Variants in LSAMP observed in about 807,000 individuals in gnomAD.
LSAMP encodes limbic system-associated membrane protein.
LSAMP carries 7 observed loss-of-function variants against 38.6 expected under a neutral mutation model. The observed-to-expected ratio is 0.18, with a 90% CI of 0.10 to 0.34. LSAMP has a LOEUF of 0.34. Ranked by LOEUF, LSAMP falls within the 10% of genes least tolerant of loss-of-function variation. The pLI, the probability that LSAMP is intolerant of heterozygous loss-of-function variation, is 1.00. For missense variants in LSAMP, 313 were observed against 420.0 expected (o/e 0.75, Z 2.23); for synonymous variants, 154 against 166.8 (o/e 0.92, Z 0.59).
intron 1 of LSAMP, among the ~76,000 whole-genome samples, chr3:116,123,717 T>A (rs1380436691): frequency 1.3e-5 from 2 of 152,216 alleles, no homozygotes; most frequent in Non-Finnish European, 2.9e-5. Context: ...ACTATCTGCT[T>A]TAAGACTTTA....
chr3:116,415,934 A>T (rs981570208), intron 1 of LSAMP, among the ~76,000 whole-genome samples: 35 of 152,254 alleles, frequency 2.3e-4, no homozygotes, highest in African/African-American at 8.2e-4. Context: ...AATTGTATAC[A>T]TTTTAAAATG....
At chr3:116,403,709 A>C (rs183022210) in intron 1 of LSAMP, among the ~76,000 whole-genome samples, 18 of 152,208 alleles carry the variant, frequency 1.2e-4, no homozygotes, top group Non-Finnish European at 2.2e-4. Flanking sequence ...TTGATTAACC[A>C]CACTAAAAGT....
At chr3:116,347,506 G>C (rs2048079300) in intron 1 of LSAMP, among the ~76,000 whole-genome samples, 1 of 152,038 alleles carries the variant, frequency 6.6e-6, no homozygotes, top group African/African-American at 2.4e-5. Flanking sequence ...ACTTCCTTGT[G>C]CTCTCTTTCT....
intron 1 of LSAMP, among the ~76,000 whole-genome samples, chr3:116,089,992 T>TA (rs1299735664): frequency 6.6e-6 from 1 of 151,884 alleles, no homozygotes; most frequent in Non-Finnish European, 1.5e-5. Flanking sequence ...AATATTTTCT[T>TA]AATTTTAGAA....
rs565880913 is a variant in LSAMP at position 115,954,910 on chromosome 3, C to A, written c.514+64605G>T. Among the ~76,000 whole-genome samples, 8 of 152,042 alleles carry A rather than the reference C, an allele frequency of 5.3e-5. No homozygotes were observed. In the South Asian group the frequency reaches 1.5e-3, roughly 28 times the overall value. ...AGGCTTTCTGTGCTTGAATTTGACA[C>A]CACCCTTCCACCTATTTGCTTCCTA... is the stretch of plus-strand genomic sequence containing the variant. On this transcript the variant is annotated intron_variant, in intron 3 of 6. Coordinates refer to ENST00000490035, the MANE Select transcript of LSAMP (RefSeq NM_002338.5).
At chr3:116,085,130 A>G (rs1361096848) in intron 2 of LSAMP, among the ~76,000 whole-genome samples, 2 of 152,210 alleles carry the variant, frequency 1.3e-5, no homozygotes, top group African/African-American at 2.4e-5. Context: ...AGTACGCTCT[A>G]CTAAGCTACA....
chr3:115,976,357 G>A (rs1313593887), intron 3 of LSAMP, among the ~76,000 whole-genome samples: 10 of 152,074 alleles, frequency 6.6e-5, no homozygotes, highest in African/African-American at 2.4e-4. Context: ...AGAAAAAACC[G>A]ACTTAGCAAC....
intron 3 of LSAMP, among the ~76,000 whole-genome samples, chr3:115,906,631 A>C (rs1937013862): frequency 6.6e-6 from 1 of 152,120 alleles, no homozygotes; most frequent in Admixed American, 6.6e-5. Flanking sequence ...TCAAAGCCTT[A>C]ATTTGTTCAT....
intron 3 of LSAMP, among the ~76,000 whole-genome samples, chr3:116,009,022 A>G (rs1295140063): frequency 6.6e-6 from 1 of 152,210 alleles, no homozygotes; most frequent in Admixed American, 6.5e-5. Context: ...CCAACCTTGT[A>G]GCCAAGGAAA....
intron 1 of LSAMP, among the ~76,000 whole-genome samples, chr3:116,266,805 CTG>C (rs745986123): frequency 3.3e-5 from 5 of 152,026 alleles, no homozygotes; most frequent in Non-Finnish European, 7.4e-5. Context: ...TATGATTAGT[CTG>C]TGAGAAAAAA....
chr3:116,330,000 C>T (rs1308625391), intron 1 of LSAMP, among the ~76,000 whole-genome samples: 1 of 152,186 alleles, frequency 6.6e-6, no homozygotes, highest in Non-Finnish European at 1.5e-5. Context: ...CTCTTTTCTA[C>T]ATCACTCCTC....
chr3:116,075,463 A>G (rs529894984), intron 2 of LSAMP, among the ~76,000 whole-genome samples: 22 of 151,062 alleles, frequency 1.5e-4, no homozygotes, highest in African/African-American at 4.9e-4. Flanking sequence ...AATTGTCTTC[A>G]TTAATCTGTT....
chr3:116,282,799 C>T (rs780211618), intron 1 of LSAMP, among the ~76,000 whole-genome samples: 4 of 151,272 alleles, frequency 2.6e-5, no homozygotes, highest in Admixed American at 2.0e-4. Flanking sequence ...ACCCATTTTA[C>T]AGTTGACATT....
intron 6 of LSAMP, among the ~76,000 whole-genome samples, chr3:115,810,753 C>A (rs545585320): frequency 4.4e-4 from 67 of 152,286 alleles, no homozygotes; most frequent in African/African-American, 1.4e-3. Flanking sequence ...CGAAGTAACT[C>A]TCTGGGGCCA....
chr3:116,249,450 A>G (rs904150028), intron 1 of LSAMP, among the ~76,000 whole-genome samples: 3 of 151,658 alleles, frequency 2.0e-5, no homozygotes, highest in Admixed American at 1.3e-4. Context: ...CAGTGGCGCA[A>G]TCTCAGCTCG....
chr3:116,341,837 C>T (rs1196133119), intron 1 of LSAMP, among the ~76,000 whole-genome samples: 1 of 151,872 alleles, frequency 6.6e-6, no homozygotes, highest in African/African-American at 2.4e-5. Flanking sequence ...AAATTGGACT[C>T]AGTACGGAGA....
chr3:116,211,008 A>G (rs1171094227), intron 1 of LSAMP, among the ~76,000 whole-genome samples: 1 of 152,116 alleles, frequency 6.6e-6, no homozygotes, highest in Non-Finnish European at 1.5e-5. Context: ...CCTTAAAAAA[A>G]AAAAAACAAA....
At chr3:116,114,253 A>G (rs1291673976) in intron 1 of LSAMP, among the ~76,000 whole-genome samples, 1 of 152,190 alleles carries the variant, frequency 6.6e-6, no homozygotes, top group Non-Finnish European at 1.5e-5. Context: ...CAAGAGCCTG[A>G]GTAAGAACAT....
rs145346290 is a variant in LSAMP at position 115,884,701 on chromosome 3, G to A, written c.515-32084C>T. Among the ~76,000 whole-genome samples, 69 of 152,142 alleles carry A rather than the reference G, an allele frequency of 4.5e-4. No individual in the cohort carries two copies. The East Asian group carries it at 0.012, about 27-fold the overall frequency. ...GCCAACAAGTTTACAAATACGAGCA[G>A]AAGTCATCTAAAATAAGATTGAGCT... On this transcript the variant is annotated intron_variant, in intron 3 of 6. Transcript: ENST00000490035.
Sources: gnomAD v4.1 joint callset for allele counts (sites outside exome capture counted in the v4.1 genomes callset) on GRCh38, gnomAD v4.1.1 for gene constraint, MANE v1.5 for transcripts, NCBI Gene and HGNC (gene_info 2026-07-23, HGNC 2026-07-21) for gene names.